ST6GALNAC1: variants seen among roughly 807,000 people sequenced by gnomAD.
ST6GALNAC1 encodes alpha-N-acetylgalactosaminide alpha-2,6-sialyltransferase 1.
In ST6GALNAC1, 45 loss-of-function variants were observed where a neutral mutation model predicts 56.8. The ratio of observed to expected loss-of-function variants is 0.79; its 90% CI spans 0.62 to 1.02. The LOEUF (loss-of-function observed/expected upper bound fraction) is 1.02, where lower values mean the gene tolerates loss of function less well. ST6GALNAC1 is among the 50% of genes least tolerant of loss of function. The probability of loss-of-function intolerance (pLI) is 0.00; values close to 1 mark genes in which losing one functional copy is unlikely to be tolerated. For synonymous variants in ST6GALNAC1, 295 were observed against 297.8 expected, an observed-to-expected ratio of 0.99 and a Z score of 0.10; for missense variants, 743 against 754.8, an observed-to-expected ratio of 0.98 and a Z score of 0.18.
At chr17:76,620,452 G>T (rs967456493), downstream of ST6GALNAC1, among the ~76,000 whole-genome samples, 1 of 152,122 alleles carries the variant, frequency 6.6e-6, no homozygotes, top group African/African-American at 2.4e-5. Context: ...CTGCAAAAAG[G>T]TATACTGGGA....
In ST6GALNAC1 at chr17:76,625,468, A is replaced by G; in HGVS notation, c.1665T>C (p.Asp555=). Residue 555 remains aspartate, a synonymous_variant, in exon 9 of 9, where the codon GAT becomes GAC. Coordinates refer to ENST00000156626, the MANE Select transcript of ST6GALNAC1 (RefSeq NM_018414.5). ...AAAAGATCAGCCGCTTCCATGATGT[A>G]TCATAGTAGTGATCAGAAAAGCGCT... is the stretch of plus-strand genomic sequence containing the variant. The part of the protein sequence containing the change: ...GHERFSDHYY[D]TSWKRLIFYI... The G allele has an allele frequency of 6.2e-7, 1 of 1,614,180 alleles. No individual in the cohort carries two copies. The highest frequency in any genetic ancestry group is 8.5e-7 in the Non-Finnish European group (1 of 1,180,040).
intron 2 of ST6GALNAC1, among the ~76,000 whole-genome samples, chr17:76,628,480 G>C (rs1567954713): frequency 6.6e-6 from 1 of 152,144 alleles, no homozygotes; most frequent in Non-Finnish European, 1.5e-5. Context: ...TGCAAGGACA[G>C]GTGAGAAGGA....
chr17:76,623,908 C>G (rs1015877536), downstream of ST6GALNAC1, among the ~76,000 whole-genome samples: 1 of 152,236 alleles, frequency 6.6e-6, no homozygotes, highest in African/African-American at 2.4e-5. Context: ...CCCATGGCTA[C>G]TCATTTTCTC....
Position 76,629,601 on chromosome 17 carries a change from G to T in ST6GALNAC1, c.242C>A (p.Pro81Gln). 6.2e-7 allele frequency: 1 copy of T among 1,613,678 alleles called. No individual in the cohort carries two copies. The highest frequency in any genetic ancestry group is 8.5e-7 in the Non-Finnish European group (1 of 1,179,736). ...RRTTIYAEPVPENNALNTQTQ... is the reference protein window; with the variant it reads ...RRTTIYAEPVQENNALNTQTQ... ...TTGTGTGTTGAGGGCATTGTTCTCTGGCACTGGCTCTGCATAGATGGTTGT... is the reference window on the plus strand; with the variant it reads ...TTGTGTGTTGAGGGCATTGTTCTCTTGCACTGGCTCTGCATAGATGGTTGT... Residue 81 changes from proline to glutamine, a missense_variant, in exon 2 of 9, where the codon CCA becomes CAA. Pro to Gln is a moderately conservative substitution (Grantham distance 76). Transcript: ENST00000156626.
rs935528398 is a variant in ST6GALNAC1, at chr17:76,627,835, C to T, written c.832-252G>A. ...CACCTAGGCCGGGTGTGGTGGCTCA[C>T]GCCTGTAATCCTAGCACTTTGGGAG... On this transcript the variant is annotated intron_variant, in intron 2 of 8. Transcript: ENST00000156626. The surrounding 1 kb of genome is among the most constrained non-coding windows in gnomAD (Gnocchi z 4.4). Among the ~76,000 whole-genome samples, 1 of 152,134 alleles carries T rather than the reference C, an allele frequency of 6.6e-6. No homozygotes were observed. The highest frequency in any genetic ancestry group is 1.5e-5 in the Non-Finnish European group (1 of 68,026).
chr17:76,621,182 C>CTTTTTTTT (rs367846650), downstream of ST6GALNAC1, among the ~76,000 whole-genome samples: 15 of 105,316 alleles, frequency 1.4e-4, no homozygotes, highest in South Asian at 3.4e-4. Context: ...TTCTTTCTTT[C>CTTTTTTTT]TTTCTTTTTT....
intron 6 of ST6GALNAC1, 42 bp downstream of exon 6, chr17:76,626,247 G>A: frequency 6.2e-7 from 1 of 1,601,026 alleles, no homozygotes; most frequent in Non-Finnish European, 8.6e-7. Flanking sequence ...TCATGACATG[G>A]CTCAGCCTGG....
the ST6GALNAC1 span, among the ~76,000 whole-genome samples, chr17:76,617,726 A>AC: frequency 6.6e-6 from 1 of 151,306 alleles, no homozygotes; most frequent in African/African-American, 2.4e-5. Flanking sequence ...AGCTGCGATC[A>AC]CGCCACTGCA....
At chr17:76,637,969 A>G (rs1019891201) in intron 1 of ST6GALNAC1, among the ~76,000 whole-genome samples, 1 of 152,094 alleles carries the variant, frequency 6.6e-6, no homozygotes, top group African/African-American at 2.4e-5. Flanking sequence ...AGCTGGGATT[A>G]CATGCATGTG....
chr17:76,625,682 T>G lies in ST6GALNAC1; in HGVS notation c.1605+137A>C, dbSNP rs573586736. ...CCCTGGATACGCACGCATAACTGCA[T>G]GCACCCATACTCATGCCCACCCTCT... On this transcript the variant is annotated intron_variant, in intron 8 of 8. Coordinates refer to ENST00000156626, the MANE Select transcript of ST6GALNAC1 (RefSeq NM_018414.5). The G allele has an allele frequency of 5.3e-6, 6 of 1,140,348 alleles. No individual in the cohort carries two copies. In the South Asian group the frequency reaches 7.9e-5, roughly 15 times the overall value. The allele number at this position is 1,140,348 out of a possible 1,614,324, so 70.6% of individuals were successfully genotyped here. A position where few individuals can be genotyped will look rare whatever the true frequency, so the allele number is the denominator to read the frequency against.
At chr17:76,624,133 G>T (rs2075766639), downstream of ST6GALNAC1, among the ~76,000 whole-genome samples, 1 of 152,112 alleles carries the variant, frequency 6.6e-6, no homozygotes, top group East Asian at 1.9e-4. Flanking sequence ...TGTCCCATTG[G>T]TCCCCTCCTT....
At chr17:76,626,980 G>A (rs2075809125) in intron 4 of ST6GALNAC1, 87 bp downstream of exon 4, 1 of 1,458,680 alleles carries the variant, frequency 6.9e-7, no homozygotes, top group Admixed American at 2.4e-5. Context: ...GTCCATGTCT[G>A]CAGAAGAGGG....
At chr17:76,618,537 G>A in the ST6GALNAC1 span, among the ~76,000 whole-genome samples, 1 of 152,204 alleles carries the variant, frequency 6.6e-6, no homozygotes, top group Admixed American at 6.5e-5. Context: ...CAGCACTTTG[G>A]GAGGTTGAGA....
At chr17:76,617,596 C>T in the ST6GALNAC1 span, among the ~76,000 whole-genome samples, 2 of 151,904 alleles carry the variant, frequency 1.3e-5, no homozygotes, top group Non-Finnish European at 2.9e-5. Flanking sequence ...ATAGTGAGAG[C>T]CTGTCTCTAC....
downstream of ST6GALNAC1, among the ~76,000 whole-genome samples, chr17:76,621,182 C>CTTTTTTTTTTTTTTTTTTTTTTT (rs367846650): frequency 1.9e-5 from 2 of 105,326 alleles, no homozygotes; most frequent in Non-Finnish European, 1.8e-5. Flanking sequence ...TTCTTTCTTT[C>CTTTTTTTTTTTTTTTTTTTTTTT]TTTCTTTTTT....
In ST6GALNAC1 at chr17:76,625,266, C is replaced by T. The variant is rs753237595; in HGVS notation, c.*64G>A. The T allele has an allele frequency of 6.4e-6, 10 of 1,553,470 alleles. No individual in the cohort carries two copies. The highest frequency in any genetic ancestry group is 7.0e-6 in the Non-Finnish European group (8 of 1,143,402). On this transcript the variant is annotated 3_prime_UTR_variant, in exon 9 of 9. Transcript: ENST00000156626. ...GCCATGGGAAATGGCCAAAGAGTCT[C>T]AAGATTCCCACTGTATCCTGTGCCT...
At position 76,626,047 on chromosome 17, in the gene ST6GALNAC1, G is replaced by C; in HGVS notation, c.1464C>G (p.Tyr488Ter). The C allele has an allele frequency of 6.2e-7, 1 of 1,614,160 alleles. No individual in the cohort carries two copies. The highest frequency in any genetic ancestry group is 8.5e-7 in the Non-Finnish European group (1 of 1,180,022). The change falls in exon 7 of 9, where the codon TAC becomes TAG. Residue 488 changes from tyrosine to a stop codon, truncating the protein, a stop_gained. Transcript: ENST00000156626. LOFTEE classifies it high-confidence loss of function. Reference sequence around the variant, plus strand: ...GGAGAAAGTCTGGGTGCAGCAACAGGTACCTGTCCATGTGCAGGGCTTCCC... The same window carrying C: ...GGAGAAAGTCTGGGTGCAGCAACAGCTACCTGTCCATGTGCAGGGCTTCCC... The part of the protein sequence containing the change: ...AFREALHMDR[Y>*]LLLHPDFLRY...
In ST6GALNAC1 at chr17:76,627,397, C is replaced by T. The variant is rs766253762; in HGVS notation, c.1000+18G>A. On this transcript the variant is annotated intron_variant, in intron 3 of 8. Transcript: ENST00000156626. This position sits in a 1 kb window ranked among gnomAD's most constrained non-coding sequence, Gnocchi z 4.4. ...GGCCTACTGCGCACCCACACCTTCC[C>T]CTGGGTTAAGGACTCACAGGAGTAG... is the stretch of plus-strand genomic sequence containing the variant. The T allele has an allele frequency of 6.2e-7, 1 of 1,613,702 alleles. No homozygotes were observed. Among genetic ancestry groups the T allele is most frequent in the Admixed American group, 1.7e-5 (1 of 59,986 alleles).
rs2075825859 is a variant in ST6GALNAC1, at chr17:76,627,736, C to T, written c.832-153G>A. 6.6e-6 allele frequency among the ~76,000 whole-genome samples: 1 copy of T among 152,188 alleles called. No individual in the cohort carries two copies. Among genetic ancestry groups the T allele is most frequent in the Non-Finnish European group, 1.5e-5 (1 of 68,036 alleles). ...TGTTCTCAGGGTCTGCTTACCCTCC[C>T]CTTCCCATTGTCTGGGCTCATTGTG... On this transcript the variant is annotated intron_variant, in intron 2 of 8. Coordinates refer to ENST00000156626, the MANE Select transcript of ST6GALNAC1 (RefSeq NM_018414.5). The surrounding 1 kb of genome is among the most constrained non-coding windows in gnomAD (Gnocchi z 4.4).
Sources: gnomAD v4.1 joint callset for allele counts (sites outside exome capture counted in the v4.1 genomes callset) on GRCh38, gnomAD v4.1.1 for gene constraint, Gnocchi (gnomAD v3.1) non-coding constraint, MANE v1.5 for transcripts, NCBI Gene and HGNC (gene_info 2026-07-23, HGNC 2026-07-21) for gene names.